Variants in CSMD1 observed in about 807,000 individuals in gnomAD.
CSMD1 encodes the protein CUB and sushi domain-containing protein 1.
In CSMD1, 213 loss-of-function variants were observed where a neutral mutation model predicts 417.5. The ratio of observed to expected loss-of-function variants is 0.51; its 90% confidence interval spans 0.46 to 0.57. The LOEUF is 0.57. CSMD1 is among the 20% of genes least tolerant of loss of function. The pLI is 0.00. For missense variants in CSMD1, 6,923 were observed against 4,529.7 expected, an observed-to-expected ratio of 1.53 and a Z score of -15.17; for synonymous variants, 2,862 against 1,736.8, an observed-to-expected ratio of 1.65 and a Z score of -16.11.
chr8:4,496,965 A>G (rs1253484501), intron 2 of CSMD1, among the ~76,000 whole-genome samples: 3 of 152,198 alleles, frequency 2.0e-5, no homozygotes, highest in Non-Finnish European at 4.4e-5. Context: ...TAGCTTACAA[A>G]GCTACAAAAC....
chr8:3,959,485 C>A (rs942199257), intron 5 of CSMD1, among the ~76,000 whole-genome samples: 1 of 152,044 alleles, frequency 6.6e-6, no homozygotes, highest in African/African-American at 2.4e-5. Flanking sequence ...GATGACTGAG[C>A]GAGACTCCGT....
At chr8:4,287,908 T>C (rs1181530790) in intron 3 of CSMD1, among the ~76,000 whole-genome samples, 1 of 152,066 alleles carries the variant, frequency 6.6e-6, no homozygotes, top group African/African-American at 2.4e-5. Flanking sequence ...TCTTAAGCCA[T>C]CACATATCTA....
chr8:4,668,801 C>G (rs1329525166), intron 1 of CSMD1, among the ~76,000 whole-genome samples: 1 of 152,098 alleles, frequency 6.6e-6, no homozygotes, highest in Admixed American at 6.6e-5. Context: ...ATGAAGTGCT[C>G]AACATTCTCC....
At chr8:4,880,610 T>C (rs149377501) in intron 1 of CSMD1, among the ~76,000 whole-genome samples, 1 of 152,130 alleles carries the variant, frequency 6.6e-6, no homozygotes, top group Non-Finnish European at 1.5e-5. Context: ...ATTGCCTCTA[T>C]TGGATTTGAG....
chr8:3,317,172 CATA>C (rs1320149479), intron 23 of CSMD1, among the ~76,000 whole-genome samples: 2 of 152,142 alleles, frequency 1.3e-5, no homozygotes, highest in African/African-American at 4.8e-5. Context: ...ATTGTTGTCA[CATA>C]ATGATTCTGA....
chr8:3,220,695 G>C (rs1476051399), intron 28 of CSMD1, among the ~76,000 whole-genome samples: 1 of 152,132 alleles, frequency 6.6e-6, no homozygotes, highest in Non-Finnish European at 1.5e-5. Context: ...GCAGAGCATG[G>C]TGTCGTGCAC....
intron 5 of CSMD1, among the ~76,000 whole-genome samples, chr8:3,921,154 C>G (rs930230297): frequency 6.6e-6 from 1 of 152,014 alleles, no homozygotes; most frequent in East Asian, 1.9e-4. Flanking sequence ...TTGTATTGAC[C>G]CTTTGAGATT....
At chr8:4,021,994 C>T (rs1796811133) in intron 4 of CSMD1, among the ~76,000 whole-genome samples, 2 of 151,804 alleles carry the variant, frequency 1.3e-5, no homozygotes, top group South Asian at 2.1e-4. Context: ...ATAGTTAGGT[C>T]TGTCTAATTC....
At chr8:3,201,336 T>C (rs1327833681) in intron 32 of CSMD1, among the ~76,000 whole-genome samples, 1 of 152,136 alleles carries the variant, frequency 6.6e-6, no homozygotes, top group Non-Finnish European at 1.5e-5. Context: ...TAGTTGATTA[T>C]CCCACCCTCT....
chr8:4,346,931 T>A (rs1237500474), intron 3 of CSMD1, among the ~76,000 whole-genome samples: 1 of 152,142 alleles, frequency 6.6e-6, no homozygotes, highest in Non-Finnish European at 1.5e-5. Flanking sequence ...AAATACTAAT[T>A]TGAAAGTGAG....
At chr8:3,496,408 T>A (rs1016533111) in intron 10 of CSMD1, among the ~76,000 whole-genome samples, 1 of 152,142 alleles carries the variant, frequency 6.6e-6, no homozygotes, top group Non-Finnish European at 1.5e-5. Flanking sequence ...GGCCTCAACC[T>A]ACAAGAACTC....
intron 50 of CSMD1, among the ~76,000 whole-genome samples, chr8:3,043,093 T>A (rs1408894472): frequency 1.3e-5 from 2 of 150,996 alleles, no homozygotes; most frequent in African/African-American, 4.9e-5. Flanking sequence ...CATGTAAACC[T>A]ACAGTACTAG....
At chr8:3,753,885 T>A (rs771432662) in intron 6 of CSMD1, 45 bp downstream of exon 6, 1 of 1,360,626 alleles carries the variant, frequency 7.3e-7, no homozygotes, top group East Asian at 2.3e-5. Flanking sequence ...TCAAAATATA[T>A]TACGCTCTGT....
intron 3 of CSMD1, among the ~76,000 whole-genome samples, chr8:4,133,091 A>C (rs1046479125): frequency 6.6e-6 from 1 of 152,032 alleles, no homozygotes; most frequent in African/African-American, 2.4e-5. Flanking sequence ...GTACGCCACC[A>C]TGCCCGGATA....
At chr8:4,923,880 C>G (rs149715262) in intron 1 of CSMD1, among the ~76,000 whole-genome samples, 1 of 152,150 alleles carries the variant, frequency 6.6e-6, no homozygotes, top group Non-Finnish European at 1.5e-5. Flanking sequence ...TAGGCAGTAT[C>G]CAAACTTTAT....
Position 4,032,092 on chromosome 8 carries a change from A to C in CSMD1, c.423T>G (p.Pro141=), listed in dbSNP as rs1053256443. 7 of 1,603,854 alleles carry C rather than the reference A, an allele frequency of 4.4e-6. No individual in the cohort carries two copies. In the African/African-American group the frequency reaches 9.4e-5, roughly 21 times the overall value. ...CTCCAGGATTTCCACAAGTGTGGCT[A>C]GGTAAAACTATTGGAAAAAGAAAAG... is the stretch of plus-strand genomic sequence containing the variant. The part of the protein sequence containing the change: ...QGFKALYEVL[P]SHTCGNPGEI... Residue 141 remains proline (P), a synonymous_variant, in exon 4 of 70, where the codon CCT becomes CCG. Transcript: ENST00000635120.
chr8:4,102,117 G>C (rs1490115839), intron 3 of CSMD1, among the ~76,000 whole-genome samples: 1 of 152,104 alleles, frequency 6.6e-6, no homozygotes, highest in South Asian at 2.1e-4. Context: ...AAACAAATAA[G>C]AAATATATAA....
At chr8:4,434,539 A>C (rs927841277) in intron 2 of CSMD1, among the ~76,000 whole-genome samples, 4 of 152,234 alleles carry the variant, frequency 2.6e-5, no homozygotes, top group African/African-American at 9.6e-5. Flanking sequence ...ACTTAAGAGC[A>C]GCCCAACATT....
chr8:3,477,023 G>C lies in CSMD1; in HGVS notation c.1449-8199C>G, dbSNP rs377526203. Among the ~76,000 whole-genome samples the C allele has an allele frequency of 5.3e-5, 8 of 152,156 alleles. No individual in the cohort carries two copies. In the South Asian group the frequency reaches 1.7e-3, roughly 32 times the overall value. On this transcript the variant is annotated intron_variant, in intron 11 of 69. Transcript: ENST00000635120. Reference sequence around the variant, plus strand: ...TATTTTGAAGTGAAGGGAATGTTCTGTGTTCTGATTTTGCTGGTGGTTACA... The same window carrying C: ...TATTTTGAAGTGAAGGGAATGTTCTCTGTTCTGATTTTGCTGGTGGTTACA...
Sources: allele counts gnomAD v4.1 joint callset (sites outside exome capture counted in the v4.1 genomes callset), GRCh38; gene constraint gnomAD v4.1.1; transcripts MANE v1.5; gene names NCBI Gene and HGNC (gene_info 2026-07-23, HGNC 2026-07-21).